Variants in SF3A2 observed in about 807,000 individuals in gnomAD.
SF3A2 encodes the protein SAP 62.
Under a neutral mutation model 31.1 loss-of-function variants are expected in SF3A2, and 5 were observed. The ratio of observed to expected loss-of-function variants is 0.16; its 90% CI spans 0.08 to 0.34. SF3A2 has a LOEUF of 0.34. SF3A2 is among the 10% of genes least tolerant of loss of function. The pLI is 1.00. For missense variants in SF3A2, 577 were observed against 643.9 expected, an observed-to-expected ratio of 0.90 and a Z score of 1.13; for synonymous variants, 365 against 263.7, an observed-to-expected ratio of 1.38 and a Z score of -3.72.
chr19:2,246,697 TTCC>T lies in SF3A2; in HGVS notation c.356-53_356-51del. 6.2e-7 allele frequency: 1 copy of T among 1,607,710 alleles called. No homozygotes were observed. The highest frequency in any genetic ancestry group is 8.5e-7 in the Non-Finnish European group (1 of 1,175,456). On this transcript the variant is annotated intron_variant, in intron 5 of 8. Coordinates refer to ENST00000221494, the MANE Select transcript of SF3A2 (RefSeq NM_007165.5). The surrounding 1 kb of genome is among the most constrained non-coding windows in gnomAD (Gnocchi z 5.5). Reference sequence around the variant, plus strand: ...GTGGGTGGCATTAGCCTGCCCCAGGTTCCTCAGCTTCGGAGAGGACAAGCAGCC... The same window carrying T: ...GTGGGTGGCATTAGCCTGCCCCAGGTTCAGCTTCGGAGAGGACAAGCAGCC...
chr19:2,248,194 C>G lies in SF3A2; in HGVS notation c.1043C>G (p.Pro348Arg). The part of the protein sequence containing the change: ...PPAPGVHPPA[P>R]GVHPPAPGVH... ...GCCCCCGGGGTTCACCCACCAGCCC[C>G]CGGAGTCCACCCACCAGCCCCTGGG... Residue 348 changes from proline (P) to arginine (R), a missense_variant, in exon 9 of 9, where the codon CCC becomes CGC. Around this residue, in one of 6 missense-constraint regions of SF3A2, gnomAD observed 462 missense variants for 339.1 expected, o/e 1.36. Transcript: ENST00000221494. 1.2e-5 allele frequency: 17 copies of G among 1,463,272 alleles called. No homozygotes were observed. Among genetic ancestry groups the G allele is most frequent in the Non-Finnish European group, 1.6e-5 (17 of 1,085,576 alleles). The allele number at this position is 1,463,272 out of a possible 1,614,324, so 90.6% of individuals were successfully genotyped here.
In SF3A2 at chr19:2,244,964, C is replaced by T. The variant is rs909536764; in HGVS notation, c.245+185C>T. 9.9e-6 allele frequency: 6 copies of T among 605,688 alleles called. No individual in the cohort carries two copies. In the African/African-American group the frequency reaches 1.1e-4, roughly 11 times the overall value. The allele number at this position is 605,688 out of a possible 1,614,324, so 37.5% of individuals were successfully genotyped here. On this transcript the variant is annotated intron_variant, in intron 4 of 8. Transcript: ENST00000221494. The stretch of plus-strand genomic sequence containing the variant: ...GCATGGATGGCTGAGGCGGGCAGAT[C>T]ACTTGAGGTCAGGAGTTCGAGACCA...
intron 1 of SF3A2, among the ~76,000 whole-genome samples, chr19:2,240,762 T>G (rs1264114222): frequency 6.6e-6 from 1 of 152,206 alleles, no homozygotes; most frequent in African/African-American, 2.4e-5. Context: ...CATCGTGTCA[T>G]TAGAACGTTC....
At chr19:2,247,495 A>G (rs2030157172) in intron 7 of SF3A2, 99 bp from the exon 8 acceptor site, 1 of 1,207,964 alleles carries the variant, frequency 8.3e-7, no homozygotes, top group African/African-American at 1.5e-5. Context: ...CTCCCAGGGT[A>G]GAGTCCGGGC....
intron 1 of SF3A2, among the ~76,000 whole-genome samples, chr19:2,241,745 C>T (rs1283839057): frequency 1.3e-5 from 2 of 152,182 alleles, no homozygotes; most frequent in African/African-American, 4.8e-5. Flanking sequence ...AAAGGACAGT[C>T]CTTCTGGTGT....
chr19:2,240,347 C>A (rs1034385223), intron 1 of SF3A2, among the ~76,000 whole-genome samples: 3 of 152,186 alleles, frequency 2.0e-5, no homozygotes, highest in Admixed American at 6.5e-5. Context: ...CTCTAGAGGC[C>A]CTTTTATACC....
intron 1 of SF3A2, 43 bp from the exon 2 acceptor site, chr19:2,243,339 G>C: frequency 7.0e-7 from 1 of 1,434,458 alleles, no homozygotes; most frequent in South Asian, 1.5e-5. Flanking sequence ...CAGCAGCCCC[G>C]AGTTCTGAGC....
rs747915968 is a variant in SF3A2, at chr19:2,245,567, C to A, written c.355+12C>A. 1 of 1,533,842 alleles carries A rather than the reference C, an allele frequency of 6.5e-7. No individual in the cohort carries two copies. Among genetic ancestry groups the A allele is most frequent in the South Asian group, 1.2e-5 (1 of 83,710 alleles). On this transcript the variant is annotated intron_variant, in intron 5 of 8. Transcript: ENST00000221494. This position sits in a 1 kb window ranked among gnomAD's most constrained non-coding sequence, Gnocchi z 4.2. ...CCCGGGCTACAAAGGTGAGTCTGCC[C>A]GCAGCGGGGCCGGCCACAGCCGCTG... is the stretch of plus-strand genomic sequence containing the variant.
chr19:2,243,455 A>G lies in SF3A2; in HGVS notation c.37A>G (p.Ser13Gly). ...GCATCGCCCCGGGGGCAAGACCGGG[A>G]GCGGGGGCGTGGCCTCCTCCTCCGA... Reference protein sequence around the residue: ...FQHRPGGKTGSGGVASSSESN... With the variant: ...FQHRPGGKTGGGGVASSSESN... The change falls in exon 2 of 9, where the codon AGC (serine) becomes GGC (glycine). Residue 13 changes from serine to glycine, a missense_variant. Physicochemically the swap from Ser to Gly is moderately conservative, Grantham distance 56. This residue lies in a region of SF3A2 where 40 missense variants were observed against 50.0 expected (regional missense o/e 0.80). Coordinates refer to ENST00000221494, the MANE Select transcript of SF3A2 (RefSeq NM_007165.5). 1 of 1,554,026 alleles carries G rather than the reference A, an allele frequency of 6.4e-7. No homozygotes were observed. Among genetic ancestry groups the G allele is most frequent in the Admixed American group, 2.1e-5 (1 of 47,192 alleles).
At position 2,248,069 on chromosome 19, in the gene SF3A2, T is replaced by C; in HGVS notation, c.918T>C (p.Pro306=). Residue 306 remains proline, a synonymous_variant, in exon 9 of 9, where the codon CCT becomes CCC. Transcript: ENST00000221494. ...CATCTGGGGTCCATCCCCCAGCTCC[T>C]GGCGTCCACCCCCCAGCTCCTGGCG... ...PPASGVHPPA[P]GVHPPAPGVH... The C allele has an allele frequency of 1.1e-6, 1 of 874,338 alleles. No homozygotes were observed. The allele number at this position is 874,338 out of a possible 1,614,324, so 54.2% of individuals were successfully genotyped here.
chr19:2,242,257 G>C (rs1381934796), intron 1 of SF3A2, among the ~76,000 whole-genome samples: 1 of 152,280 alleles, frequency 6.6e-6, no homozygotes, highest in African/African-American at 2.4e-5. Context: ...AGACGCAGTA[G>C]TTCAGATGAC....
At chr19:2,242,036 C>T (rs1177226726) in intron 1 of SF3A2, among the ~76,000 whole-genome samples, 5 of 152,214 alleles carry the variant, frequency 3.3e-5, no homozygotes, top group Non-Finnish European at 7.3e-5. Flanking sequence ...GGGGTGACTT[C>T]AGGCCCCACC....
intron 1 of SF3A2, among the ~76,000 whole-genome samples, chr19:2,239,370 AAAAAAGAG>A (rs1462361787): frequency 6.6e-6 from 1 of 151,932 alleles, no homozygotes; most frequent in African/African-American, 2.4e-5. Flanking sequence ...AAAAAAAAAA[AAAAAAGAG>A]AGAGAAAAAA....
intron 1 of SF3A2, among the ~76,000 whole-genome samples, chr19:2,238,830 G>A (rs2145005524): frequency 6.6e-6 from 1 of 152,264 alleles, no homozygotes; most frequent in East Asian, 1.9e-4. Flanking sequence ...GACTGGTTGT[G>A]CTCTGACCTG....
chr19:2,239,238 G>A (rs1035150094), intron 1 of SF3A2, among the ~76,000 whole-genome samples: 7 of 151,998 alleles, frequency 4.6e-5, no homozygotes, highest in Non-Finnish European at 7.3e-5. Flanking sequence ...TTTGGCATGT[G>A]CCTGTAATCT....
At position 2,247,996 on chromosome 19, in the gene SF3A2, C is replaced by T. The variant is rs749321087; in HGVS notation, c.845C>T (p.Pro282Leu). Residue 282 changes from proline to leucine, a missense_variant, in exon 9 of 9, where the codon CCG becomes CTG. Physicochemically the swap from Pro to Leu is moderately conservative, Grantham distance 98. Transcript: ENST00000221494. ...CCCCCGGGACCACCCCAGCTACCCC[C>T]GCCAGCTCCAGGGGTCCACCCCCCG... Reference protein sequence around the residue: ...SGPPGPPQLPPPAPGVHPPAP... With the variant: ...SGPPGPPQLPLPAPGVHPPAP... 5.3e-5 allele frequency: 50 copies of T among 951,756 alleles called. No homozygotes were observed. Among genetic ancestry groups the T allele is most frequent in the African/African-American group, 1.1e-4 (7 of 61,428 alleles). The allele number at this position is 951,756 out of a possible 1,614,324, so 59.0% of individuals were successfully genotyped here.
At chr19:2,239,755 T>C (rs183991358) in intron 1 of SF3A2, among the ~76,000 whole-genome samples, 54 of 152,364 alleles carry the variant, frequency 3.5e-4, no homozygotes, top group African/African-American at 1.3e-3. Flanking sequence ...CTTTTCCTCC[T>C]GTTTTTTTAA....
rs756939384 is a variant in SF3A2, at chr19:2,247,960, C to T, written c.809C>T (p.Ala270Val). Residue 270 changes from alanine to valine, a missense_variant, in exon 9 of 9, where the codon GCG becomes GTG. Physicochemically the swap from Ala to Val is moderately conservative, Grantham distance 64 (BLOSUM62 0). Transcript: ENST00000221494. The part of the protein sequence containing the change: ...PLPPMPPTGP[A>V]PSGPPGPPQL... Reference sequence around the variant, plus strand: ...CCACCCATGCCCCCCACAGGGCCTGCGCCCTCAGGGCCCCCGGGACCACCC... The same window carrying T: ...CCACCCATGCCCCCCACAGGGCCTGTGCCCTCAGGGCCCCCGGGACCACCC... The T allele has an allele frequency of 4.0e-5, 51 of 1,268,074 alleles. No individual in the cohort carries two copies. Among genetic ancestry groups the T allele is most frequent in the South Asian group, 6.1e-5 (5 of 81,902 alleles). 78.6% of individuals were successfully genotyped at this position (1,268,074 alleles called of 1,614,324 possible).
intron 1 of SF3A2, among the ~76,000 whole-genome samples, chr19:2,241,999 G>A (rs1038563782): frequency 6.6e-6 from 1 of 152,194 alleles, no homozygotes; most frequent in Non-Finnish European, 1.5e-5. Flanking sequence ...ACTGGTTGGG[G>A]AGGGCTCCTG....
Sources: allele counts gnomAD v4.1 joint callset (sites outside exome capture counted in the v4.1 genomes callset), GRCh38; gene constraint gnomAD v4.1.1; regional missense constraint gnomAD v4.1.1; non-coding constraint Gnocchi (gnomAD v3.1); transcripts MANE v1.5; gene names NCBI Gene and HGNC (gene_info 2026-07-23, HGNC 2026-07-21).